Variants in MYOM1 observed in about 807,000 individuals in gnomAD.
The protein encoded by MYOM1 is myomesin-1.
MYOM1 carries 164 observed loss-of-function variants against 205.3 expected under a neutral mutation model. The ratio of observed to expected loss-of-function variants is 0.80; its 90% confidence interval spans 0.70 to 0.91. The LOEUF is 0.91. MYOM1 is among the 40% of genes least tolerant of loss of function. The pLI, the probability that MYOM1 is intolerant of heterozygous loss-of-function variation, is 0.00. For missense variants in MYOM1, 2,011 were observed against 2,127.3 expected (o/e 0.95, Z 1.08); for synonymous variants, 772 against 789.4 (o/e 0.98, Z 0.37).
At chr18:3,120,839 G>A (rs2079679718) in intron 19 of MYOM1, among the ~76,000 whole-genome samples, 1 of 152,118 alleles carries the variant, frequency 6.6e-6, no homozygotes, top group African/African-American at 2.4e-5. Context: ...TGTTGTGAGG[G>A]TAAATATACA....
rs752688487 is a variant in MYOM1, at chr18:3,120,001, A to G, written c.2992-6T>C. The G allele has an allele frequency of 1.3e-6, 2 of 1,585,484 alleles. No individual in the cohort carries two copies. The highest frequency in any genetic ancestry group is 1.1e-5 in the South Asian group (1 of 87,058). ...TTTTCCTTCAAGTTGCTAATCTGCA[A>G]CATTGACAACATCACAGATACTGAA... On this transcript the variant is annotated splice_polypyrimidine_tract_variant and splice_region_variant and intron_variant, in intron 19 of 37. Transcript: ENST00000356443.
At chr18:3,082,390 G>A (rs1298747904) in intron 33 of MYOM1, among the ~76,000 whole-genome samples, 2 of 152,144 alleles carry the variant, frequency 1.3e-5, no homozygotes, top group Admixed American at 6.5e-5. Flanking sequence ...TCACCTCCCC[G>A]AGCCCTAGCT....
At chr18:3,073,668 T>C (rs1291773073) in intron 36 of MYOM1, among the ~76,000 whole-genome samples, 1 of 152,242 alleles carries the variant, frequency 6.6e-6, no homozygotes, top group Non-Finnish European at 1.5e-5. Flanking sequence ...TTCTGAATAA[T>C]GCCTTTTAAC....
At chr18:3,182,342 G>A (rs187267387) in intron 5 of MYOM1, among the ~76,000 whole-genome samples, 3 of 152,278 alleles carry the variant, frequency 2.0e-5, no homozygotes, top group Admixed American at 2.0e-4. Flanking sequence ...TAAATGACGA[G>A]TTGATGGGTG....
chr18:3,091,914 T>C lies in MYOM1; in HGVS notation c.3865-1112A>G, dbSNP rs553117772. Among the ~76,000 whole-genome samples the C allele has an allele frequency of 3.2e-3, 491 of 152,246 alleles. 7 individuals are homozygous for C. The highest frequency in any genetic ancestry group is 0.011 in the African/African-American group (473 of 41,542). ...ACCCAGCTGATTTTTGTATTTTTAG[T>C]AGAGACAGAGTTTTACCATGATGGC... is the stretch of plus-strand genomic sequence containing the variant. On this transcript the variant is annotated intron_variant, in intron 26 of 37. Transcript: ENST00000356443.
the MYOM1 span, among the ~76,000 whole-genome samples, chr18:3,228,638 C>A: frequency 6.6e-6 from 1 of 152,142 alleles, no homozygotes; most frequent in Admixed American, 6.5e-5. The surrounding 1 kb of genome is among the most constrained non-coding windows in gnomAD (Gnocchi z 4.5). Context: ...TAAATTAATC[C>A]ATTTTAAGAG....
At chr18:3,241,058 G>A in the MYOM1 span, among the ~76,000 whole-genome samples, 1 of 152,184 alleles carries the variant, frequency 6.6e-6, no homozygotes, top group Non-Finnish European at 1.5e-5. Context: ...AAGGCATTCA[G>A]TTTTGTAAGG....
intron 2 of MYOM1, among the ~76,000 whole-genome samples, chr18:3,203,907 A>G (rs1468613266): frequency 6.6e-6 from 1 of 151,956 alleles, no homozygotes; most frequent in African/African-American, 2.4e-5. Context: ...CCAGCAACAT[A>G]TAAAACCAAG....
Position 3,142,045 on chromosome 18 carries a change from G to A in MYOM1, c.1919C>T (p.Pro640Leu), listed in dbSNP as rs774459722. The A allele has an allele frequency of 6.2e-7, 1 of 1,613,676 alleles. No homozygotes were observed. The highest frequency in any genetic ancestry group is 1.1e-5 in the South Asian group (1 of 91,060). The change falls in exon 14 of 38, where the codon CCC becomes CTC. Residue 640 changes from proline to leucine, a missense_variant. Physicochemically the swap from Pro to Leu is moderately conservative, Grantham distance 98. Transcript: ENST00000356443. ...CTCAGTGACAGAGAGGTCTGTCGGG[G>A]GGCCAGGCACAATACCCTCTGAAAA... is the stretch of plus-strand genomic sequence containing the variant. Reference protein sequence around the residue: ...EEPSEGIVPGPPTDLSVTEAT... With the variant: ...EEPSEGIVPGLPTDLSVTEAT...
At position 3,079,354 on chromosome 18, in the gene MYOM1, G is replaced by A. The variant is rs766937117; in HGVS notation, c.4485-12C>T. On this transcript the variant is annotated splice_polypyrimidine_tract_variant and intron_variant, in intron 33 of 37. Transcript: ENST00000356443. Reference sequence around the variant, plus strand: ...TAATGGCGGACCCACTGTGAAAATCGAAGAAAACTTCCTTAGCATTTGCTT... The same window carrying A: ...TAATGGCGGACCCACTGTGAAAATCAAAGAAAACTTCCTTAGCATTTGCTT... 1.6e-5 allele frequency: 25 copies of A among 1,599,960 alleles called. No individual in the cohort carries two copies. Among genetic ancestry groups the A allele is most frequent in the Non-Finnish European group, 1.7e-5 (20 of 1,170,884 alleles).
At chr18:3,090,260 C>G (rs1047759135) in intron 27 of MYOM1, among the ~76,000 whole-genome samples, 8 of 150,178 alleles carry the variant, frequency 5.3e-5, no homozygotes, top group Admixed American at 1.3e-4. Flanking sequence ...CACTCTGTCC[C>G]CCAGGCTGGA....
rs753013445 is a variant in MYOM1, at chr18:3,129,367, T to A, written c.2659A>T (p.Ser887Cys). ...SKPNKPSLPSSSQNLGQTEVS... is the reference protein window; with the variant it reads ...SKPNKPSLPSCSQNLGQTEVS... ...TCTGTTTGGCCCAGGTTTTGAGAGC[T>A]ACTGGGTAGTGAAGGTTTGTTAGGT... Residue 887 changes from serine to cysteine, a missense_variant, in exon 18 of 38, where the codon AGC becomes TGC. Coordinates refer to ENST00000356443, the MANE Select transcript of MYOM1 (RefSeq NM_003803.4). 3 of 1,613,912 alleles carry A rather than the reference T, an allele frequency of 1.9e-6. No individual in the cohort carries two copies. In the South Asian group the frequency reaches 3.3e-5, roughly 18 times the overall value.
intron 5 of MYOM1, among the ~76,000 whole-genome samples, chr18:3,184,195 C>T (rs1343042939): frequency 6.6e-6 from 1 of 152,148 alleles, no homozygotes; most frequent in Non-Finnish European, 1.5e-5. Context: ...TGTGAGCCAG[C>T]TGGCCCAGCC....
At chr18:3,117,029 T>C (rs1401900367) in intron 20 of MYOM1, among the ~76,000 whole-genome samples, 1 of 152,010 alleles carries the variant, frequency 6.6e-6, no homozygotes, top group Non-Finnish European at 1.5e-5. Flanking sequence ...GCTAATTTTT[T>C]AAGTTTTTAT....
chr18:3,120,042 T>TG lies in MYOM1; in HGVS notation c.2992-48_2992-47insC, dbSNP rs753202301. 2.0e-6 allele frequency: 3 copies of TG among 1,520,204 alleles called. No homozygotes were observed. In the African/African-American group the frequency reaches 4.2e-5, roughly 21 times the overall value. The allele number at this position is 1,520,204 out of a possible 1,614,324, so 94.2% of individuals were successfully genotyped here. A position where few individuals can be genotyped will look rare whatever the true frequency, so the allele number is the denominator to read the frequency against. ...AGATACTGAATGTTCCAGGTTTGTT[T>TG]TTTTTTTTCTACTTGTTGAGCATTT... On this transcript the variant is annotated intron_variant, in intron 19 of 37. Transcript: ENST00000356443.
intron 10 of MYOM1, among the ~76,000 whole-genome samples, chr18:3,161,493 G>A (rs1183431246): frequency 6.6e-6 from 1 of 152,132 alleles, no homozygotes; most frequent in Non-Finnish European, 1.5e-5. Context: ...GAAGTGATGA[G>A]GGCACTAAGC....
the MYOM1 span, among the ~76,000 whole-genome samples, chr18:3,245,678 C>G: frequency 2.6e-5 from 4 of 152,194 alleles, no homozygotes; most frequent in African/African-American, 9.7e-5. Flanking sequence ...CTTCAATCAG[C>G]CAGGCCCTCT....
intron 22 of MYOM1, among the ~76,000 whole-genome samples, chr18:3,103,489 T>G (rs182974721): frequency 6.6e-6 from 1 of 152,366 alleles, no homozygotes; most frequent in East Asian, 1.9e-4. Flanking sequence ...CATTCACATC[T>G]ATGCCTAAAT....
intron 10 of MYOM1, among the ~76,000 whole-genome samples, chr18:3,158,060 ATATTT>A (rs2080327030): frequency 6.6e-6 from 1 of 152,232 alleles, no homozygotes; most frequent in Admixed American, 6.5e-5. Context: ...AGTGTTACAT[ATATTT>A]TATATGAACT....
Sources: allele counts gnomAD v4.1 joint callset (sites outside exome capture counted in the v4.1 genomes callset), GRCh38; gene constraint gnomAD v4.1.1; non-coding constraint Gnocchi (gnomAD v3.1); transcripts MANE v1.5; gene names NCBI Gene and HGNC (gene_info 2026-07-23, HGNC 2026-07-21).